The following OR3A1 variants were observed in gnomAD, a reference collection of about 807,000 sequenced individuals.
OR3A1 encodes olfactory receptor 3A1.
For synonymous variants in OR3A1, 145 were observed against 160.0 expected (o/e 0.91, Z 0.71); for missense variants, 402 against 393.8 (o/e 1.02, Z -0.18).
In OR3A1 at chr17:3,292,452, C is replaced by G. The variant is rs1211397289; in HGVS notation, c.131G>C (p.Gly44Ala). 1 of 1,613,646 alleles carries G rather than the reference C, an allele frequency of 6.2e-7. No individual in the cohort carries two copies. Among genetic ancestry groups the G allele is most frequent in the Non-Finnish European group, 8.5e-7 (1 of 1,179,934 alleles). The change falls in exon 2 of 2, where the codon GGC (glycine) becomes GCC (alanine). Residue 44 changes from glycine to alanine, a missense_variant. By Grantham distance (60) the Gly-to-Ala change is moderately conservative. Coordinates refer to ENST00000323404, the MANE Select transcript of OR3A1 (RefSeq NM_002550.3). ...GACAGCTGCCAGGATGCTGAGGTTG[C>G]CCCTGACCGTGACCAGGTAGGCAAA... Reference protein sequence around the residue: ...FLFAYLVTVRGNLSILAAVLV... With the variant: ...FLFAYLVTVRANLSILAAVLV...
intron 1 of OR3A1, among the ~76,000 whole-genome samples, chr17:3,297,441 A>T (rs1351035209): frequency 3.3e-5 from 5 of 151,886 alleles, no homozygotes; most frequent in Non-Finnish European, 5.9e-5. Flanking sequence ...CTTTATCTGG[A>T]ACATCCTCTA....
rs2048867067 is a variant in OR3A1, at chr17:3,291,580, AG to A, written c.*54del. ...CATTTTTTTCCTAGTTTCTGGCTCT[AG>A]AAGACTTTTCCTTTAGTACAAGACA... On this transcript the variant is annotated 3_prime_UTR_variant, in exon 2 of 2. Coordinates refer to ENST00000323404, the MANE Select transcript of OR3A1 (RefSeq NM_002550.3). 1.4e-6 allele frequency: 2 copies of A among 1,418,970 alleles called. No homozygotes were observed. Among genetic ancestry groups the A allele is most frequent in the Admixed American group, 4.5e-5 (2 of 44,336 alleles). 87.9% of individuals were successfully genotyped at this position (1,418,970 alleles called of 1,614,324 possible).
At chr17:3,293,411 C>T (rs1319443410) in intron 1 of OR3A1, among the ~76,000 whole-genome samples, 1 of 152,152 alleles carries the variant, frequency 6.6e-6, no homozygotes, top group South Asian at 2.1e-4. Flanking sequence ...ATTCATTACA[C>T]ACAAATAAAA....
In OR3A1 at chr17:3,292,821, C is replaced by T. The variant is rs552261375; in HGVS notation, c.-6-233G>A. On this transcript the variant is annotated intron_variant, in intron 1 of 1. Transcript: ENST00000323404. ...CAGGTAACATTACCACTCTGGACCT[C>T]CCTCCTCCAACCCGCCCCCCAGCTG... 2.0e-5 allele frequency among the ~76,000 whole-genome samples: 3 copies of T among 152,148 alleles called. No homozygotes were observed. The South Asian group carries it at 6.2e-4, about 32-fold the overall frequency.
At chr17:3,292,699 C>T in intron 1 of OR3A1, 111 bp from the exon 2 acceptor site, 1 of 866,916 alleles carries the variant, frequency 1.2e-6, no homozygotes, top group Admixed American at 2.9e-5. Flanking sequence ...CACGTTCCCT[C>T]TGTACAAGTA....
In OR3A1 at chr17:3,291,685, C is replaced by T; in HGVS notation, c.898G>A (p.Val300Met). The T allele has an allele frequency of 6.2e-7, 1 of 1,610,940 alleles. No individual in the cohort carries two copies. Among genetic ancestry groups the T allele is most frequent in the East Asian group, 2.2e-5 (1 of 44,734 alleles). ...AGCATCCTCCAGATGGCACTCTGCACATCAGGGTTTCTGAAGCTGTAGATG... is the reference window on the plus strand; with the variant it reads ...AGCATCCTCCAGATGGCACTCTGCATATCAGGGTTTCTGAAGCTGTAGATG... ...PIIYSFRNPDVQSAIWRMLTG... is the reference protein window; with the variant it reads ...PIIYSFRNPDMQSAIWRMLTG... Residue 300 changes from valine (V) to methionine (M), a missense_variant, in exon 2 of 2, where the codon GTG (valine) becomes ATG (methionine). Physicochemically the swap from Val to Met is conservative, Grantham distance 21 (BLOSUM62 1). Transcript: ENST00000323404.
At chr17:3,296,799 G>C (rs1438446696) in intron 1 of OR3A1, among the ~76,000 whole-genome samples, 1 of 152,170 alleles carries the variant, frequency 6.6e-6, no homozygotes, top group East Asian at 1.9e-4. Context: ...TTCAAAAAGG[G>C]ACTCCATTCC....
intron 1 of OR3A1, among the ~76,000 whole-genome samples, chr17:3,296,954 G>A (rs2048923627): frequency 6.6e-6 from 1 of 152,182 alleles, no homozygotes; most frequent in African/African-American, 2.4e-5. Flanking sequence ...TTATGGAAGG[G>A]GCATAACATC....
At chr17:3,297,119 C>G (rs1265944892) in intron 1 of OR3A1, among the ~76,000 whole-genome samples, 1 of 152,182 alleles carries the variant, frequency 6.6e-6, no homozygotes, top group African/African-American at 2.4e-5. Context: ...AGCCTCAAAG[C>G]TAGAATCCCA....
In OR3A1 at chr17:3,291,736, C is replaced by CA; in HGVS notation, c.846dup (p.Val283CysfsTer17). The CA allele has an allele frequency of 6.2e-7, 1 of 1,613,776 alleles. No homozygotes were observed. The highest frequency in any genetic ancestry group is 1.1e-5 in the South Asian group (1 of 91,088). On this transcript the variant is annotated frameshift_variant, in exon 2 of 2. Coordinates refer to ENST00000323404, the MANE Select transcript of OR3A1 (RefSeq NM_002550.3). LOFTEE classifies it low-confidence loss of function (END_TRUNC). ...ATTGGGTTCAGCATGGGATTGATGA[C>CA]AGTGTTGAAAATTCCAACAGCTTTA...
In OR3A1 at chr17:3,294,237, A is replaced by G. The variant is rs1477962389; in HGVS notation, c.-6-1649T>C. Among the ~76,000 whole-genome samples, 4 of 152,088 alleles carry G rather than the reference A, an allele frequency of 2.6e-5. No homozygotes were observed. In the East Asian group the frequency reaches 7.7e-4, roughly 29 times the overall value. Reference sequence around the variant, plus strand: ...TAAAATAAGAAAACAGAGTAAAAATATAAGAGCTGAGGGAAGGGATTGCAA... The same window carrying G: ...TAAAATAAGAAAACAGAGTAAAAATGTAAGAGCTGAGGGAAGGGATTGCAA... On this transcript the variant is annotated intron_variant, in intron 1 of 1. Coordinates refer to ENST00000323404, the MANE Select transcript of OR3A1 (RefSeq NM_002550.3).
In OR3A1 at chr17:3,292,173, G is replaced by T. The variant is rs977427953; in HGVS notation, c.410C>A (p.Thr137Asn). 1.1e-5 allele frequency: 17 copies of T among 1,614,078 alleles called. No individual in the cohort carries two copies. The highest frequency in any genetic ancestry group is 1.3e-5 in the African/African-American group (1 of 74,932). Reference sequence around the variant, plus strand: ...CCTCTGGACTGTCTGACTCATGCGGGTGCTGTAGGTGAGGGGCCGGCAGAT... The same window carrying T: ...CCTCTGGACTGTCTGACTCATGCGGTTGCTGTAGGTGAGGGGCCGGCAGAT... ...LAICRPLTYS[T>N]RMSQTVQRML... is the part of the protein sequence containing the mutation. Residue 137 changes from threonine (T) to asparagine (N), a missense_variant, in exon 2 of 2, where the codon ACC (threonine) becomes AAC (asparagine). Transcript: ENST00000323404.
In OR3A1 at chr17:3,292,595, A is replaced by G. The variant is rs1334982612; in HGVS notation, c.-6-7T>C. ...ATTCTGGCTGCATGAGTTCCTGCAAAGAAACATCCAGGGAGGAAAAGAATC... is the reference window on the plus strand; with the variant it reads ...ATTCTGGCTGCATGAGTTCCTGCAAGGAAACATCCAGGGAGGAAAAGAATC... On this transcript the variant is annotated splice_polypyrimidine_tract_variant and splice_region_variant and intron_variant, in intron 1 of 1. Transcript: ENST00000323404. 1.9e-6 allele frequency: 3 copies of G among 1,577,194 alleles called. No homozygotes were observed. The highest frequency in any genetic ancestry group is 2.6e-6 in the Non-Finnish European group (3 of 1,156,910).
At chr17:3,293,969 A>G (rs78529560) in intron 1 of OR3A1, among the ~76,000 whole-genome samples, 2,094 of 152,234 alleles carry the variant, frequency 0.014, 31 homozygotes, top group African/African-American at 0.047. Context: ...GAGGGTGGCC[A>G]GGGCGAGAAC....
intron 1 of OR3A1, among the ~76,000 whole-genome samples, 179 bp from the exon 2 acceptor site, chr17:3,292,767 C>T (rs73977621): frequency 0.019 from 2,909 of 152,156 alleles, 70 homozygotes; most frequent in African/African-American, 0.063. Flanking sequence ...CTACATTTAC[C>T]TGAATAACTT....
rs966265464 is a variant in OR3A1 at position 3,291,750 on chromosome 17, C to T, written c.833G>A (p.Gly278Glu). ...GGGATTGATGACAGTGTTGAAAATT[C>T]CAACAGCTTTATCCTTGTCTGAAAG... is the stretch of plus-strand genomic sequence containing the variant. ...TKLSDKDKAV[G>E]IFNTVINPML... Residue 278 changes from glycine to glutamate, a missense_variant, in exon 2 of 2, where the codon GGA (glycine) becomes GAA (glutamate). Transcript: ENST00000323404. 5.6e-6 allele frequency: 9 copies of T among 1,613,758 alleles called. No individual in the cohort carries two copies. The South Asian group carries it at 7.7e-5, about 14-fold the overall frequency.
intron 1 of OR3A1, among the ~76,000 whole-genome samples, chr17:3,294,264 A>T (rs1157939531): frequency 6.6e-6 from 1 of 152,066 alleles, no homozygotes. Context: ...GGATTGCAAG[A>T]AAGATAAGAA....
At position 3,291,806 on chromosome 17, in the gene OR3A1, G is replaced by T. The variant is rs773990884; in HGVS notation, c.777C>A (p.Ile259=). 1 of 1,613,774 alleles carries T rather than the reference G, an allele frequency of 6.2e-7. No individual in the cohort carries two copies. Among genetic ancestry groups the T allele is most frequent in the Non-Finnish European group, 8.5e-7 (1 of 1,179,638 alleles). Residue 259 remains isoleucine (I), a synonymous_variant, in exon 2 of 2, where the codon ATC becomes ATA. Transcript: ENST00000323404. ...TVVAIFYGSG[I]FNYMRLGSTK... is the part of the protein sequence containing the mutation. Reference sequence around the variant, plus strand: ...TTGAACCCAGTCGCATATAGTTAAAGATACCTGAACCATAGAATATGGCAA... The same window carrying T: ...TTGAACCCAGTCGCATATAGTTAAATATACCTGAACCATAGAATATGGCAA...
chr17:3,292,682 C>A, intron 1 of OR3A1, 94 bp from the exon 2 acceptor site: 1 of 1,042,896 alleles, frequency 9.6e-7, no homozygotes. Flanking sequence ...CTTGCCCGGC[C>A]CTCTGCCACG....
Sources: gnomAD v4.1 joint callset for allele counts (sites outside exome capture counted in the v4.1 genomes callset) on GRCh38, gnomAD v4.1.1 for gene constraint, MANE v1.5 for transcripts, NCBI Gene and HGNC (gene_info 2026-07-23, HGNC 2026-07-21) for gene names.